Variants in PLCB4 observed in about 807,000 individuals in gnomAD.
PLCB4 encodes 1-phosphatidylinositol 4,5-bisphosphate phosphodiesterase beta-4.
Under a neutral mutation model 178.8 loss-of-function variants are expected in PLCB4, and 77 were observed. The observed-to-expected ratio is 0.43, with a 90% CI of 0.36 to 0.52. PLCB4 has a LOEUF of 0.52. PLCB4 is among the 20% of genes least tolerant of loss of function. The probability of loss-of-function intolerance (pLI) is 0.00; values close to 1 mark genes in which losing one functional copy is unlikely to be tolerated. For synonymous variants in PLCB4, 496 were observed against 490.8 expected (o/e 1.01, Z -0.14); for missense variants, 1,024 against 1,453.4 (o/e 0.70, Z 4.80).
intron 2 of PLCB4, among the ~76,000 whole-genome samples, chr20:9,133,137 C>T (rs1158350706): frequency 2.6e-5 from 4 of 152,180 alleles, no homozygotes; most frequent in African/African-American, 9.6e-5. Flanking sequence ...TCTTATGCAG[C>T]AGCAAACTAC....
chr20:9,449,683 T>G (rs563065536), intron 32 of PLCB4, among the ~76,000 whole-genome samples: 1 of 152,314 alleles, frequency 6.6e-6, no homozygotes, highest in African/African-American at 2.4e-5. Flanking sequence ...AGTATCAACA[T>G]TAAATGAGTC....
intron 3 of PLCB4, among the ~76,000 whole-genome samples, chr20:9,220,910 A>T (rs2093790212): frequency 6.6e-6 from 1 of 152,130 alleles, no homozygotes; most frequent in African/African-American, 2.4e-5. Context: ...GTTATTTCAA[A>T]CTCTTGAGTG....
In PLCB4 at chr20:9,331,273, C is replaced by A. The variant is rs200246376; in HGVS notation, c.85-5853C>A. On this transcript the variant is annotated intron_variant, in intron 4 of 39. Coordinates refer to ENST00000378473, the MANE Select transcript of PLCB4 (RefSeq NM_001377142.1). ...ACGTCCTAATGTATCTGTCCAGTGA[C>A]AAACACAGAAAAGCCCCTGGCCAAC... Among the ~76,000 whole-genome samples the A allele has an allele frequency of 1.2e-4, 18 of 152,128 alleles. No individual in the cohort carries two copies. In the East Asian group the frequency reaches 2.5e-3, roughly 21 times the overall value.
At chr20:9,208,359 T>C (rs1413205818) in intron 2 of PLCB4, among the ~76,000 whole-genome samples, 2 of 152,214 alleles carry the variant, frequency 1.3e-5, no homozygotes, top group Non-Finnish European at 2.9e-5. Context: ...TACCTGGACA[T>C]AGTAATTTCT....
chr20:9,272,206 A>G (rs1016267636), intron 3 of PLCB4, among the ~76,000 whole-genome samples: 2 of 151,870 alleles, frequency 1.3e-5, no homozygotes, highest in African/African-American at 4.8e-5. Context: ...AAAAAGAGAG[A>G]AAGAAAATAT....
At chr20:9,178,383 A>G (rs985666485) in intron 2 of PLCB4, among the ~76,000 whole-genome samples, 9 of 152,128 alleles carry the variant, frequency 5.9e-5, no homozygotes, top group African/African-American at 2.2e-4. Flanking sequence ...CTGTGGTGGC[A>G]TAAAACTCAA....
At chr20:9,310,298 G>C (rs561065236) in intron 4 of PLCB4, among the ~76,000 whole-genome samples, 12 of 152,182 alleles carry the variant, frequency 7.9e-5, no homozygotes, top group Non-Finnish European at 1.3e-4. Flanking sequence ...TCCCTAAAGT[G>C]TCATAGCAAA....
intron 22 of PLCB4, 139 bp downstream of exon 22, chr20:9,408,197 AC>A: frequency 1.4e-6 from 1 of 714,884 alleles, no homozygotes; most frequent in Non-Finnish European, 2.4e-6. Context: ...TGTTTCACAG[AC>A]CATAGAAGCC....
At chr20:9,165,734 G>GA (rs1371170024) in intron 2 of PLCB4, among the ~76,000 whole-genome samples, 1 of 151,884 alleles carries the variant, frequency 6.6e-6, no homozygotes, top group East Asian at 1.9e-4. Flanking sequence ...AGCATTTTGG[G>GA]AAATGCCAAA....
At position 9,213,128 on chromosome 20, in the gene PLCB4, C is replaced by CT. The variant is rs56785951; in HGVS notation, c.-78-4232dup. 3.4e-3 allele frequency among the ~76,000 whole-genome samples: 122 copies of CT among 35,726 alleles called. 8 individuals carry two copies. Among genetic ancestry groups the CT allele is most frequent in the South Asian group, 0.011 (7 of 616 alleles). The allele number at this position is 35,726 out of a possible 152,430, so 23.4% of individuals were successfully genotyped here. The stretch of plus-strand genomic sequence containing the variant: ...TGCTTGGCTTCTCTCCGTTAGCATA[C>CT]TTTTTTTTTTTTTTTTTTTTTTTTT... On this transcript the variant is annotated intron_variant, in intron 2 of 39. Coordinates refer to ENST00000378473, the MANE Select transcript of PLCB4 (RefSeq NM_001377142.1).
chr20:9,357,121 C>T (rs2034900760), intron 7 of PLCB4, among the ~76,000 whole-genome samples: 1 of 152,096 alleles, frequency 6.6e-6, no homozygotes, highest in Admixed American at 6.6e-5. Flanking sequence ...TGTCTCAAAA[C>T]AAATAGAAAA....
intron 2 of PLCB4, among the ~76,000 whole-genome samples, chr20:9,148,664 A>G (rs76964636): frequency 6.6e-6 from 1 of 152,154 alleles, no homozygotes; most frequent in South Asian, 2.1e-4. Context: ...AGCCTTCTAG[A>G]ATAGCTGGCA....
At chr20:9,362,690 C>T (rs191089976) in intron 7 of PLCB4, among the ~76,000 whole-genome samples, 1 of 152,220 alleles carries the variant, frequency 6.6e-6, no homozygotes, top group East Asian at 1.9e-4. Context: ...ATAGATGGCA[C>T]ATTTGTCTTC....
intron 2 of PLCB4, among the ~76,000 whole-genome samples, chr20:9,166,201 G>C (rs1007738167): frequency 6.6e-6 from 1 of 151,936 alleles, no homozygotes; most frequent in Non-Finnish European, 1.5e-5. Flanking sequence ...CTTCAGTATA[G>C]AAAAAACAAA....
At chr20:9,202,283 A>G (rs914298931) in intron 2 of PLCB4, among the ~76,000 whole-genome samples, 5 of 152,140 alleles carry the variant, frequency 3.3e-5, no homozygotes, top group African/African-American at 1.2e-4. Flanking sequence ...GAATTGTTTT[A>G]TGTCTTGATT....
chr20:9,079,719 C>T (rs1040198273), intron 1 of PLCB4, among the ~76,000 whole-genome samples: 1 of 152,150 alleles, frequency 6.6e-6, no homozygotes, highest in Non-Finnish European at 1.5e-5. Flanking sequence ...GAAAATAAAA[C>T]TGCATCTACA....
At chr20:9,070,432 T>G (rs1278568902) in intron 1 of PLCB4, among the ~76,000 whole-genome samples, 1 of 152,220 alleles carries the variant, frequency 6.6e-6, no homozygotes, top group Non-Finnish European at 1.5e-5. Context: ...TTGAGTGGCC[T>G]CAGTTATAGA....
chr20:9,325,835 G>T (rs1301067649), intron 4 of PLCB4, among the ~76,000 whole-genome samples: 1 of 152,154 alleles, frequency 6.6e-6, no homozygotes, highest in African/African-American at 2.4e-5. Flanking sequence ...CTGAGACCTT[G>T]TATCTAAGTT....
At chr20:9,468,439 C>T in intron 35 of PLCB4, 132 bp from the exon 36 acceptor site, 1 of 649,000 alleles carries the variant, frequency 1.5e-6, no homozygotes, top group Non-Finnish European at 2.8e-6. Context: ...TAAGTACATT[C>T]ACTTTGTTGT....
Sources: allele counts gnomAD v4.1 joint callset (sites outside exome capture counted in the v4.1 genomes callset), GRCh38; gene constraint gnomAD v4.1.1; transcripts MANE v1.5; gene names NCBI Gene and HGNC (gene_info 2026-07-23, HGNC 2026-07-21).